The following DENND4B variants were observed in gnomAD, a reference collection of about 807,000 sequenced individuals.
DENND4B encodes the protein DENN domain-containing protein 4B.
DENND4B carries 67 observed loss-of-function variants against 161.0 expected under a neutral mutation model. The ratio of observed to expected loss-of-function variants is 0.42; its 90% CI spans 0.34 to 0.51. DENND4B has a LOEUF of 0.51. DENND4B is among the 20% of genes least tolerant of loss of function. The probability of loss-of-function intolerance (pLI) is 0.08; values close to 1 mark genes in which losing one functional copy is unlikely to be tolerated. For missense variants in DENND4B, 1,481 were observed against 1,968.0 expected, an observed-to-expected ratio of 0.75 and a Z score of 4.68; for synonymous variants, 753 against 813.8, an observed-to-expected ratio of 0.93 and a Z score of 1.27.
In DENND4B at chr1:153,932,282, C is replaced by T. The variant is rs1679004068; in HGVS notation, c.3918G>A (p.Trp1306Ter). 1 of 1,613,992 alleles carries T rather than the reference C, an allele frequency of 6.2e-7. No individual in the cohort carries two copies. The highest frequency in any genetic ancestry group is 8.5e-7 in the Non-Finnish European group (1 of 1,179,896). The stretch of plus-strand genomic sequence containing the variant: ...TGGGCAGGCGTAGCCGTTGGAAATA[C>T]CACAAAAGGTTCCAGAAGATGATGG... Reference protein sequence around the residue: ...AHPIIFWNLLWYFQRLRLPSI... With the variant: ...AHPIIFWNLL Residue 1306 changes from tryptophan (W) to a stop codon, truncating the protein, a stop_gained, in exon 24 of 28, where the codon TGG becomes TGA. Coordinates refer to ENST00000361217, the MANE Select transcript of DENND4B (RefSeq NM_014856.3). LOFTEE classifies it high-confidence loss of function. The surrounding 1 kb of genome is among the most constrained non-coding windows in gnomAD (Gnocchi z 5.8).
At position 153,936,042 on chromosome 1, in the gene DENND4B, T is replaced by C; in HGVS notation, c.2568+18A>G. The C allele has an allele frequency of 6.2e-7, 1 of 1,610,678 alleles. No individual in the cohort carries two copies. Among genetic ancestry groups the C allele is most frequent in the Non-Finnish European group, 8.5e-7 (1 of 1,178,030 alleles). ...CCTGGCACAGCTGCCATCCCACCCC[T>C]CACCCCAAAGTAGGTACCTTATTGT... is the stretch of plus-strand genomic sequence containing the variant. On this transcript the variant is annotated intron_variant, in intron 17 of 27. Transcript: ENST00000361217. This position sits in a 1 kb window ranked among gnomAD's most constrained non-coding sequence, Gnocchi z 4.1.
Position 153,942,228 on chromosome 1 carries a change from C to CTT in DENND4B, c.768_769insAA (p.Val257LysfsTer43). 1 of 1,613,944 alleles carries CTT rather than the reference C, an allele frequency of 6.2e-7. No homozygotes were observed. The highest frequency in any genetic ancestry group is 8.5e-7 in the Non-Finnish European group (1 of 1,179,868). On this transcript the variant is annotated frameshift_variant, in exon 5 of 28. Coordinates refer to ENST00000361217, the MANE Select transcript of DENND4B (RefSeq NM_014856.3). LOFTEE classifies it high-confidence loss of function. The surrounding 1 kb of genome is among the most constrained non-coding windows in gnomAD (Gnocchi z 6.9). ...CCCGTGAGCACAAAGGTGGAGAAGA[C>CTT]GGGCACGGGGTACTTGGTCTGGGCA...
At position 153,930,657 on chromosome 1, in the gene DENND4B, A is replaced by G; in HGVS notation, c.4280+35T>C. On this transcript the variant is annotated intron_variant, in intron 26 of 27. Transcript: ENST00000361217. The surrounding 1 kb of genome is among the most constrained non-coding windows in gnomAD (Gnocchi z 4.7). The stretch of plus-strand genomic sequence containing the variant: ...AGAGAAAAGGGGTGTGGAGCCCCGG[A>G]CAGACCAGGGATCACCCAGATGGTA... 3.1e-6 allele frequency: 5 copies of G among 1,613,644 alleles called. No homozygotes were observed. Among genetic ancestry groups the G allele is most frequent in the Non-Finnish European group, 4.2e-6 (5 of 1,179,730 alleles).
intron 13 of DENND4B, among the ~76,000 whole-genome samples, chr1:153,938,466 G>A (rs1571048446): frequency 1.3e-5 from 2 of 149,932 alleles, no homozygotes; most frequent in East Asian, 4.0e-4. Context: ...ACCTTGGGAG[G>A]CCGAGGCAGG....
In DENND4B at chr1:153,934,428, T is replaced by A; in HGVS notation, c.2774-126A>T. On this transcript the variant is annotated intron_variant, in intron 18 of 27. Coordinates refer to ENST00000361217, the MANE Select transcript of DENND4B (RefSeq NM_014856.3). The surrounding 1 kb of genome is among the most constrained non-coding windows in gnomAD (Gnocchi z 5.3). ...CCCAGGCAAAACTTTATCCGTTTTG[T>A]GTTTGTTTGTTTGTTTGTTTTGTTT... The A allele has an allele frequency of 1.6e-6, 2 of 1,259,706 alleles. No individual in the cohort carries two copies. The highest frequency in any genetic ancestry group is 2.6e-5 in the East Asian group (1 of 38,936). The allele number at this position is 1,259,706 out of a possible 1,614,324, so 78.0% of individuals were successfully genotyped here.
Position 153,930,911 on chromosome 1 carries a change from C to T in DENND4B, c.4114+36G>A, listed in dbSNP as rs1055813617. The T allele has an allele frequency of 1.9e-6, 3 of 1,592,064 alleles. No individual in the cohort carries two copies. The African/African-American group carries it at 4.0e-5, about 21-fold the overall frequency. ...ATCACTGAGCCCTCTGGGTATGGGA[C>T]CCACCCTCCCCACCCAGGCCAAATA... On this transcript the variant is annotated intron_variant, in intron 25 of 27. Coordinates refer to ENST00000361217, the MANE Select transcript of DENND4B (RefSeq NM_014856.3). This position sits in a 1 kb window ranked among gnomAD's most constrained non-coding sequence, Gnocchi z 4.7.
In DENND4B at chr1:153,943,075, T is replaced by A. The variant is rs1481798699; in HGVS notation, c.373A>T (p.Thr125Ser). 6.2e-7 allele frequency: 1 copy of A among 1,613,962 alleles called. No individual in the cohort carries two copies. The change falls in exon 3 of 28, where the codon ACA becomes TCA. Residue 125 changes from threonine to serine, a missense_variant. Thr to Ser is a moderately conservative substitution (Grantham distance 58, BLOSUM62 1). Around this residue, in one of 3 missense-constraint regions of DENND4B, gnomAD observed 806 missense variants for 1,134.4 expected, o/e 0.71. Coordinates refer to ENST00000361217, the MANE Select transcript of DENND4B (RefSeq NM_014856.3). ...AGGTTTGCTGAGTGGCTGTAGGGTG[T>A]CGTGTCAAGCACTTGGAAGCCAGGC... ...PKPGFQVLDT[T>S]PYSHSANLAP...
rs149379830 is a variant in DENND4B at position 153,945,048 on chromosome 1, A to G, written c.-23-651T>C. The G allele has an allele frequency of 4.1e-4, 513 of 1,255,732 alleles. 2 individuals carry two copies. The African/African-American group carries it at 6.7e-3, about 16-fold the overall frequency. 77.8% of individuals were successfully genotyped at this position (1,255,732 alleles called of 1,614,324 possible). A position where few individuals can be genotyped will look rare whatever the true frequency, so the allele number is the denominator to read the frequency against. On this transcript the variant is annotated intron_variant, in intron 1 of 27. Transcript: ENST00000361217. ...TTAGGTAGCTCGTTAGATCCAAAGCAGTTGTGAGAGACAAGTCCCGGCCAT... is the reference window on the plus strand; with the variant it reads ...TTAGGTAGCTCGTTAGATCCAAAGCGGTTGTGAGAGACAAGTCCCGGCCAT...
chr1:153,936,838 C>CT lies in DENND4B; in HGVS notation c.2233-91dup. 1 of 1,312,884 alleles carries CT rather than the reference C, an allele frequency of 7.6e-7. No homozygotes were observed. The highest frequency in any genetic ancestry group is 1.7e-5 in the South Asian group (1 of 59,572). The allele number at this position is 1,312,884 out of a possible 1,614,324, so 81.3% of individuals were successfully genotyped here. A position where few individuals can be genotyped will look rare whatever the true frequency, so the allele number is the denominator to read the frequency against. On this transcript the variant is annotated intron_variant, in intron 15 of 27. Transcript: ENST00000361217. The surrounding 1 kb of genome is among the most constrained non-coding windows in gnomAD (Gnocchi z 4.1). Reference sequence around the variant, plus strand: ...TTTATTTATTTATGACGGTCTCGCTCTGTCACCCAGGCTGGAGTGCAGTGG... The same window carrying CT: ...TTTATTTATTTATGACGGTCTCGCTCTTGTCACCCAGGCTGGAGTGCAGTGG...
Position 153,936,811 on chromosome 1 carries a change from T to C in DENND4B, c.2233-63A>G, listed in dbSNP as rs1679367083. ...GCCAGGTCTTTCTTACTTATCTATT[T>C]ATTTATTTATTTATGACGGTCTCGC... is the stretch of plus-strand genomic sequence containing the variant. On this transcript the variant is annotated intron_variant, in intron 15 of 27. Transcript: ENST00000361217. The surrounding 1 kb of genome is among the most constrained non-coding windows in gnomAD (Gnocchi z 4.1). The C allele has an allele frequency of 1.5e-6, 2 of 1,377,004 alleles. No homozygotes were observed. The highest frequency in any genetic ancestry group is 1.9e-6 in the Non-Finnish European group (2 of 1,040,104). The allele number at this position is 1,377,004 out of a possible 1,614,324, so 85.3% of individuals were successfully genotyped here.
chr1:153,938,822 G>A (rs139389619), intron 13 of DENND4B, 78 bp downstream of exon 13: 112 of 1,498,516 alleles, frequency 7.5e-5, no homozygotes, highest in South Asian at 5.8e-4. Context: ...GCCCGATTCC[G>A]TCTAAAATGG....
Position 153,936,788 on chromosome 1 carries a change from C to T in DENND4B, c.2233-40G>A, listed in dbSNP as rs1467201341. On this transcript the variant is annotated intron_variant, in intron 15 of 27. Coordinates refer to ENST00000361217, the MANE Select transcript of DENND4B (RefSeq NM_014856.3). This position sits in a 1 kb window ranked among gnomAD's most constrained non-coding sequence, Gnocchi z 4.1. ...GGACACATCAGGGTGAGTACAATGC[C>T]AGGTCTTTCTTACTTATCTATTTAT... 4 of 1,460,464 alleles carry T rather than the reference C, an allele frequency of 2.7e-6. No homozygotes were observed. In the South Asian group the frequency reaches 4.3e-5, roughly 16 times the overall value. The allele number at this position is 1,460,464 out of a possible 1,614,324, so 90.5% of individuals were successfully genotyped here. A position where few individuals can be genotyped will look rare whatever the true frequency, so the allele number is the denominator to read the frequency against.
Position 153,936,971 on chromosome 1 carries a change from T to A in DENND4B, c.2233-223A>T, listed in dbSNP as rs1679381364. On this transcript the variant is annotated intron_variant, in intron 15 of 27. Transcript: ENST00000361217. This position sits in a 1 kb window ranked among gnomAD's most constrained non-coding sequence, Gnocchi z 4.1. ...CCAAGCCCGACTGATTGTTTTGTAC[T>A]TTTTGTAAAGACAAGGTTTTGCCAC... 6.6e-6 allele frequency among the ~76,000 whole-genome samples: 1 copy of A among 152,224 alleles called. No individual in the cohort carries two copies. The highest frequency in any genetic ancestry group is 1.5e-5 in the Non-Finnish European group (1 of 68,032).
Position 153,940,244 on chromosome 1 carries a change from CT to C in DENND4B, c.1514del (p.Lys505ArgfsTer21). ...DTNTLFQTEE[K>X]KLLSPRTLPR... ...GCAGGGTCCGAGGGGAGAGGAGCTT[CT>C]TTTCCTCAGTCCTGTGAGAAAAGCA... On this transcript the variant is annotated frameshift_variant, in exon 11 of 28. Coordinates refer to ENST00000361217, the MANE Select transcript of DENND4B (RefSeq NM_014856.3). LOFTEE classifies it high-confidence loss of function. The surrounding 1 kb of genome is among the most constrained non-coding windows in gnomAD (Gnocchi z 5.6). 1 of 1,598,966 alleles carries C rather than the reference CT, an allele frequency of 6.3e-7. No homozygotes were observed. Among genetic ancestry groups the C allele is most frequent in the South Asian group, 1.1e-5 (1 of 88,816 alleles).
Position 153,942,071 on chromosome 1 carries a change from C to T in DENND4B, c.853G>A (p.Ala285Thr). 1.2e-6 allele frequency: 2 copies of T among 1,612,692 alleles called. No homozygotes were observed. Among genetic ancestry groups the T allele is most frequent in the Middle Eastern group, 1.7e-4 (1 of 6,058 alleles). Residue 285 changes from alanine (A) to threonine (T), a missense_variant, in exon 6 of 28, where the codon GCC becomes ACC. By Grantham distance (58) the Ala-to-Thr change is moderately conservative. This residue lies in a region of DENND4B where 806 missense variants were observed against 1,134.4 expected (regional missense o/e 0.71). Transcript: ENST00000361217. The surrounding 1 kb of genome is among the most constrained non-coding windows in gnomAD (Gnocchi z 6.9). ...ALQFYEAFPR[A>T]RLSERQARAL... Reference sequence around the variant, plus strand: ...CGTGCCTGTCGCTCTGATAGCCTGGCCCTTGGGAACGCCTCGTAGAACTGC... The same window carrying T: ...CGTGCCTGTCGCTCTGATAGCCTGGTCCTTGGGAACGCCTCGTAGAACTGC...
chr1:153,939,885 C>T (rs1194346739), intron 11 of DENND4B, 81 bp from the exon 12 acceptor site: 2 of 1,395,462 alleles, frequency 1.4e-6, no homozygotes, highest in African/African-American at 1.4e-5. Flanking sequence ...TCCATCTCCA[C>T]CTCCAGCCTC....
At position 153,940,175 on chromosome 1, in the gene DENND4B, C is replaced by A; in HGVS notation, c.1584G>T (p.Leu528=). ...TCTCACTCTGGTCCAGCTGCTGGTA[C>A]AGGTTTGTCAGTGTGGCCAGCAGAA... ...YKVLLATLTN[L]YQQLDQTYTG... The change falls in exon 11 of 28, where the codon CTG becomes CTT. Residue 528 remains leucine, a synonymous_variant. Coordinates refer to ENST00000361217, the MANE Select transcript of DENND4B (RefSeq NM_014856.3). The surrounding 1 kb of genome is among the most constrained non-coding windows in gnomAD (Gnocchi z 5.6). 6.3e-7 allele frequency: 1 copy of A among 1,584,220 alleles called. No individual in the cohort carries two copies. Among genetic ancestry groups the A allele is most frequent in the Non-Finnish European group, 8.6e-7 (1 of 1,167,494 alleles).
Position 153,936,278 on chromosome 1 carries a change from C to T in DENND4B, c.2440-90G>A. 6.6e-7 allele frequency: 1 copy of T among 1,507,620 alleles called. No homozygotes were observed. Among genetic ancestry groups the T allele is most frequent in the South Asian group, 1.3e-5 (1 of 76,950 alleles). The allele number at this position is 1,507,620 out of a possible 1,614,324, so 93.4% of individuals were successfully genotyped here. A position where few individuals can be genotyped will look rare whatever the true frequency, so the allele number is the denominator to read the frequency against. ...GCACCCTCTTCCTGCCTCCCCAATT[C>T]TCACAGACATCACTGGCCCCTGGCA... On this transcript the variant is annotated intron_variant, in intron 16 of 27. Transcript: ENST00000361217. This position sits in a 1 kb window ranked among gnomAD's most constrained non-coding sequence, Gnocchi z 4.1.
In DENND4B at chr1:153,937,764, G is replaced by C; in HGVS notation, c.2065C>G (p.Pro689Ala). 6.2e-7 allele frequency: 1 copy of C among 1,614,028 alleles called. No individual in the cohort carries two copies. The highest frequency in any genetic ancestry group is 8.5e-7 in the Non-Finnish European group (1 of 1,179,906). The part of the protein sequence containing the change: ...LTVFITPPEE[P>A]ALPEGSESTP... ...GATTCACTGCCCTCTGGTAAGGCAG[G>C]CTCCTCGGGAGGTGTGATAAAGACA... The change falls in exon 14 of 28, where the codon CCT becomes GCT. Residue 689 changes from proline to alanine, a missense_variant. Coordinates refer to ENST00000361217, the MANE Select transcript of DENND4B (RefSeq NM_014856.3). The surrounding 1 kb of genome is among the most constrained non-coding windows in gnomAD (Gnocchi z 4.7).
Sources: gnomAD v4.1 joint callset for allele counts (sites outside exome capture counted in the v4.1 genomes callset) on GRCh38, gnomAD v4.1.1 for gene constraint, gnomAD v4.1.1 regional missense constraint, Gnocchi (gnomAD v3.1) non-coding constraint, MANE v1.5 for transcripts, NCBI Gene and HGNC (gene_info 2026-07-23, HGNC 2026-07-21) for gene names.